ADAMTS2: variants seen among roughly 807,000 people sequenced by gnomAD.
ADAMTS2 encodes the protein ADAM metallopeptidase with thrombospondin type 1 motif 2.
Under a neutral mutation model 123.0 loss-of-function variants are expected in ADAMTS2, and 50 were observed. The observed-to-expected ratio is 0.41, with a 90% CI of 0.32 to 0.51. The LOEUF (loss-of-function observed/expected upper bound fraction) is 0.51. Ranked by LOEUF, ADAMTS2 falls within the 20% of genes least tolerant of loss-of-function variation. The pLI is 0.35. For synonymous variants in ADAMTS2, 678 were observed against 695.4 expected (o/e 0.98, Z 0.39); for missense variants, 1,494 against 1,705.2 (o/e 0.88, Z 2.18).
chr5:179,205,834 C>A (rs528530383), intron 4 of ADAMTS2, among the ~76,000 whole-genome samples: 2 of 151,674 alleles, frequency 1.3e-5, no homozygotes, highest in East Asian at 3.9e-4. Flanking sequence ...TGCAGTGGTG[C>A]GATCTCAGCT....
chr5:179,296,685 G>A (rs564830037), intron 2 of ADAMTS2, among the ~76,000 whole-genome samples: 3 of 152,110 alleles, frequency 2.0e-5, no homozygotes, highest in Non-Finnish European at 2.9e-5. Flanking sequence ...AGGGAGAGGC[G>A]GCGGGCAGAG....
intron 21 of ADAMTS2, among the ~76,000 whole-genome samples, chr5:179,114,573 C>G (rs562613854): frequency 6.6e-6 from 1 of 152,096 alleles, no homozygotes; most frequent in South Asian, 2.1e-4. Context: ...CCAAGCAGGC[C>G]CCAGTTGAAC....
rs1762914503 is a variant in ADAMTS2, at chr5:179,129,131, G to C, written c.2457+801C>G. 6.6e-6 allele frequency among the ~76,000 whole-genome samples: 1 copy of C among 152,176 alleles called. No homozygotes were observed. Among genetic ancestry groups the C allele is most frequent in the Admixed American group, 6.5e-5 (1 of 15,276 alleles). On this transcript the variant is annotated intron_variant, in intron 16 of 21. Coordinates refer to ENST00000251582, the MANE Select transcript of ADAMTS2 (RefSeq NM_014244.5). The surrounding 1 kb of genome is among the most constrained non-coding windows in gnomAD (Gnocchi z 4.1). ...GAATTTGCAAATACAGAAACCGTGAGTGCCGAGGACCAGCTGCTCACACAC... is the reference window on the plus strand; with the variant it reads ...GAATTTGCAAATACAGAAACCGTGACTGCCGAGGACCAGCTGCTCACACAC...
chr5:179,196,786 C>G (rs956724393), intron 4 of ADAMTS2, among the ~76,000 whole-genome samples: 2 of 152,230 alleles, frequency 1.3e-5, no homozygotes, highest in African/African-American at 4.8e-5. Context: ...AGTGAATGTT[C>G]TCAGCTTTGT....
At chr5:179,209,194 G>A (rs190707974) in intron 3 of ADAMTS2, among the ~76,000 whole-genome samples, 12 of 152,320 alleles carry the variant, frequency 7.9e-5, no homozygotes, top group Admixed American at 3.9e-4. Flanking sequence ...CAGGCCACTC[G>A]GTGGACGTGG....
rs1764247257 is a variant in ADAMTS2, at chr5:179,189,382, C to G, written c.892-8227G>C. ...TTTTTTTTTGAGACGGAGTCTCTCTCTGTTGCCCAGGTTGGAGTGCAGTGG... is the reference window on the plus strand; with the variant it reads ...TTTTTTTTTGAGACGGAGTCTCTCTGTGTTGCCCAGGTTGGAGTGCAGTGG... On this transcript the variant is annotated intron_variant, in intron 4 of 21. Coordinates refer to ENST00000251582, the MANE Select transcript of ADAMTS2 (RefSeq NM_014244.5). The surrounding 1 kb of genome is among the most constrained non-coding windows in gnomAD (Gnocchi z 4.2). 6.6e-6 allele frequency among the ~76,000 whole-genome samples: 1 copy of G among 151,010 alleles called. No homozygotes were observed. Among genetic ancestry groups the G allele is most frequent in the Non-Finnish European group, 1.5e-5 (1 of 67,858 alleles).
intron 2 of ADAMTS2, among the ~76,000 whole-genome samples, chr5:179,315,511 G>A (rs1301237193): frequency 1.3e-5 from 2 of 152,250 alleles, no homozygotes; most frequent in African/African-American, 4.8e-5. Context: ...CCGCTCACGA[G>A]GAGAAGCCAG....
At chr5:179,320,607 T>C (rs1757142087) in intron 2 of ADAMTS2, among the ~76,000 whole-genome samples, 3 of 151,974 alleles carry the variant, frequency 2.0e-5, no homozygotes, top group Non-Finnish European at 4.4e-5. Flanking sequence ...CATGAGCCAC[T>C]GTTCCTGGCC....
Position 179,130,866 on chromosome 5 carries a change from C to T in ADAMTS2, c.2291-768G>A, listed in dbSNP as rs1224175104. The stretch of plus-strand genomic sequence containing the variant: ...GTCCCTGCCTTCTCTCTGGCCCTTG[C>T]TCCCTTTCCACAGAGAGCGACCTCA... On this transcript the variant is annotated intron_variant, in intron 15 of 21. Coordinates refer to ENST00000251582, the MANE Select transcript of ADAMTS2 (RefSeq NM_014244.5). This position sits in a 1 kb window ranked among gnomAD's most constrained non-coding sequence, Gnocchi z 4.3. Among the ~76,000 whole-genome samples, 1 of 152,162 alleles carries T rather than the reference C, an allele frequency of 6.6e-6. No individual in the cohort carries two copies. The highest frequency in any genetic ancestry group is 2.4e-5 in the African/African-American group (1 of 41,428).
chr5:179,176,397 C>T (rs1486777855), intron 5 of ADAMTS2, among the ~76,000 whole-genome samples: 1 of 152,190 alleles, frequency 6.6e-6, no homozygotes, highest in Non-Finnish European at 1.5e-5. Context: ...CCCACATCCA[C>T]ATCTTCTTGG....
intron 4 of ADAMTS2, among the ~76,000 whole-genome samples, chr5:179,187,475 CTGAA>C (rs1386486024): frequency 6.6e-6 from 1 of 152,230 alleles, no homozygotes; most frequent in East Asian, 1.9e-4. Flanking sequence ...TAAACATTTG[CTGAA>C]TGAATGGAGT....
chr5:179,327,669 G>A (rs550825403), intron 2 of ADAMTS2, among the ~76,000 whole-genome samples: 1 of 152,318 alleles, frequency 6.6e-6, no homozygotes, highest in Admixed American at 6.5e-5. Context: ...GGGCCTGGGA[G>A]ATCCATTCAG....
intron 5 of ADAMTS2, among the ~76,000 whole-genome samples, chr5:179,176,319 G>C (rs1203400086): frequency 6.6e-6 from 1 of 152,022 alleles, no homozygotes; most frequent in African/African-American, 2.4e-5. Context: ...GCTCCCCCTA[G>C]GCAGCAAGCT....
chr5:179,128,231 A>AT lies in ADAMTS2; in HGVS notation c.2458-114_2458-113insA. 3.7e-6 allele frequency: 5 copies of AT among 1,356,936 alleles called. No individual in the cohort carries two copies. The highest frequency in any genetic ancestry group is 5.1e-6 in the Non-Finnish European group (5 of 975,466). 84.1% of individuals were successfully genotyped at this position (1,356,936 alleles called of 1,614,324 possible). ...CCAGAGGAGTCTCATCATTCATGGC[A>AT]GTTACATTCCATGAAGTCGCCCCGA... On this transcript the variant is annotated intron_variant, in intron 16 of 21. Coordinates refer to ENST00000251582, the MANE Select transcript of ADAMTS2 (RefSeq NM_014244.5). This position sits in a 1 kb window ranked among gnomAD's most constrained non-coding sequence, Gnocchi z 4.9.
At chr5:179,322,668 T>G (rs1205573170) in intron 2 of ADAMTS2, among the ~76,000 whole-genome samples, 2 of 152,172 alleles carry the variant, frequency 1.3e-5, no homozygotes, top group Admixed American at 1.3e-4. Flanking sequence ...TGAAGGCCCC[T>G]CTGGGAGGGC....
intron 3 of ADAMTS2, among the ~76,000 whole-genome samples, chr5:179,254,405 C>T (rs1765996514): frequency 6.6e-6 from 1 of 152,156 alleles, no homozygotes; most frequent in African/African-American, 2.4e-5. Flanking sequence ...GGAGTGACTG[C>T]TCTGGGTGCA....
intron 2 of ADAMTS2, among the ~76,000 whole-genome samples, chr5:179,273,899 C>T (rs58570299): frequency 0.055 from 8,423 of 152,088 alleles, 370 homozygotes; most frequent in East Asian, 0.17. Context: ...TCCCAGACCG[C>T]GGCTTGCACC....
At chr5:179,280,630 C>CA (rs1467162459) in intron 2 of ADAMTS2, among the ~76,000 whole-genome samples, 1 of 152,172 alleles carries the variant, frequency 6.6e-6, no homozygotes, top group East Asian at 1.9e-4. Context: ...CATGGGGTCC[C>CA]AGCAGCCGTC....
chr5:179,310,253 G>A (rs957942798), intron 2 of ADAMTS2, among the ~76,000 whole-genome samples: 3 of 152,248 alleles, frequency 2.0e-5, no homozygotes, highest in Non-Finnish European at 2.9e-5. Context: ...AGCTCCCAGC[G>A]GGCAGGGATC....
Sources: allele counts gnomAD v4.1 joint callset (sites outside exome capture counted in the v4.1 genomes callset), GRCh38; gene constraint gnomAD v4.1.1; non-coding constraint Gnocchi (gnomAD v3.1); transcripts MANE v1.5; gene names NCBI Gene and HGNC (gene_info 2026-07-23, HGNC 2026-07-21).